The following SRI variants were observed in gnomAD, a reference collection of about 807,000 sequenced individuals.
SRI encodes 22 kDa protein.
In SRI, 30 loss-of-function variants were observed where a neutral mutation model predicts 33.3. That is an observed-to-expected ratio of 0.90 (90% confidence interval 0.67 to 1.22). The LOEUF (loss-of-function observed/expected upper bound fraction) is 1.22. SRI is among the 50% of genes most tolerant of loss of function. The pLI, the probability that SRI is intolerant of heterozygous loss-of-function variation, is 0.00. For synonymous variants in SRI, 75 were observed against 89.9 expected (o/e 0.83, Z 0.94); for missense variants, 243 against 250.8 (o/e 0.97, Z 0.21).
chr7:88,219,988 G>C lies in SRI; in HGVS notation c.39C>G (p.Tyr13Ter), dbSNP rs950420787. The C allele has an allele frequency of 5.8e-6, 9 of 1,538,598 alleles. No homozygotes were observed. The highest frequency in any genetic ancestry group is 7.9e-6 in the Non-Finnish European group (9 of 1,146,466). Residue 13 changes from tyrosine to a stop codon, truncating the protein, a stop_gained, in exon 1 of 8, where the codon TAC becomes TAG. Coordinates refer to ENST00000265729, the MANE Select transcript of SRI (RefSeq NM_003130.4). LOFTEE classifies it high-confidence loss of function. ...AGTCAGCACTTACCCCGCCTGGGTA[G>C]TACCCGCCGCCGGCGCCAGGATGCC... is the stretch of plus-strand genomic sequence containing the variant. ...YPGHPGAGGG[Y>*]YPGGYGGAPG...
upstream of SRI, among the ~76,000 whole-genome samples, chr7:88,221,446 T>G (rs1851885983): frequency 6.6e-6 from 1 of 152,230 alleles, no homozygotes; most frequent in Non-Finnish European, 1.5e-5. Context: ...AGACATCTAA[T>G]GAGTCCCCTG....
chr7:88,222,694 C>T (rs957707327), upstream of SRI, among the ~76,000 whole-genome samples: 2 of 152,004 alleles, frequency 1.3e-5, no homozygotes, highest in Admixed American at 6.6e-5. Flanking sequence ...GAAATAACGC[C>T]GCATACCTAC....
At position 88,209,334 on chromosome 7, in the gene SRI, C is replaced by T. The variant is rs1586711982; in HGVS notation, c.511+5G>A. The T allele has an allele frequency of 1.2e-6, 2 of 1,611,384 alleles. No individual in the cohort carries two copies. The highest frequency in any genetic ancestry group is 1.7e-6 in the Non-Finnish European group (2 of 1,177,700). ...GTGGTGATGACACGACCTTATAGAA[C>T]TCACCTGTAAGAGCCCTCAGTTTGA... On this transcript the variant is annotated splice_donor_5th_base_variant and intron_variant, in intron 6 of 7. Transcript: ENST00000265729.
intron 3 of SRI, 84 bp from the exon 4 acceptor site, chr7:88,211,009 TATG>T (rs1283226568): frequency 7.6e-6 from 8 of 1,048,160 alleles, no homozygotes; most frequent in Middle Eastern, 2.4e-4. Flanking sequence ...TAATTAGAAA[TATG>T]ATTATTATAC....
At chr7:88,217,599 G>C (rs1384114662) in intron 2 of SRI, among the ~76,000 whole-genome samples, 2 of 152,218 alleles carry the variant, frequency 1.3e-5, no homozygotes, top group Middle Eastern at 3.4e-3. Flanking sequence ...ATTTTTTTCA[G>C]AGCACAAATA....
chr7:88,221,697 T>C (rs993957421), upstream of SRI, among the ~76,000 whole-genome samples: 3 of 152,232 alleles, frequency 2.0e-5, no homozygotes, highest in Non-Finnish European at 4.4e-5. Context: ...GAATTTTTTT[T>C]TTAATTACAC....
chr7:88,219,375 A>AT, intron 1 of SRI: 1 of 223,030 alleles, frequency 4.5e-6, no homozygotes, highest in Non-Finnish European at 9.1e-6. Context: ...GGGAAGAGTA[A>AT]GGTGTCCGGC....
chr7:88,207,178 T>C (rs1295069334), intron 7 of SRI, among the ~76,000 whole-genome samples: 1 of 152,168 alleles, frequency 6.6e-6, no homozygotes, highest in Non-Finnish European at 1.5e-5. Context: ...TTATCCCTAT[T>C]TTAGAGAAAA....
chr7:88,211,368 T>C (rs758631459), intron 3 of SRI, among the ~76,000 whole-genome samples: 1 of 152,100 alleles, frequency 6.6e-6, no homozygotes, highest in Non-Finnish European at 1.5e-5. Context: ...GGCAGGAGAA[T>C]TGCTTGCACC....
At chr7:88,210,806 A>G in intron 4 of SRI, 76 bp downstream of exon 4, 1 of 1,339,986 alleles carries the variant, frequency 7.5e-7, no homozygotes, top group Non-Finnish European at 1.1e-6. Flanking sequence ...TGTGTTTACT[A>G]GATATTAATT....
At chr7:88,218,760 C>G (rs1331828327) in intron 2 of SRI, 99 bp downstream of exon 2, 2 of 1,119,576 alleles carry the variant, frequency 1.8e-6, no homozygotes, top group Non-Finnish European at 2.7e-6. Flanking sequence ...AGCAAAGGGA[C>G]TCAGTACCAC....
intron 5 of SRI, among the ~76,000 whole-genome samples, chr7:88,209,697 C>A (rs1851524463): frequency 6.6e-6 from 1 of 151,124 alleles, no homozygotes; most frequent in Non-Finnish European, 1.5e-5. Flanking sequence ...TCACAGCAAC[C>A]TCTGCCTCCT....
chr7:88,210,104 G>T lies in SRI; in HGVS notation c.276C>A (p.Phe92Leu). 1 of 1,614,062 alleles carries T rather than the reference G, an allele frequency of 6.2e-7. No homozygotes were observed. Residue 92 changes from phenylalanine to leucine, a missense_variant, in exon 5 of 8, where the codon TTC (phenylalanine) becomes TTA (leucine). Physicochemically the swap from Phe to Leu is conservative, Grantham distance 22. Transcript: ENST00000265729. Reference protein sequence around the residue: ...LDRDMSGTMGFNEFKELWAVL... With the variant: ...LDRDMSGTMGLNEFKELWAVL... Reference sequence around the variant, plus strand: ...CAGCCCAGAGTTCTTTAAATTCATTGAAACCCATTGTGCCAGACATATCTC... The same window carrying T: ...CAGCCCAGAGTTCTTTAAATTCATTTAAACCCATTGTGCCAGACATATCTC...
In SRI at chr7:88,209,361, G is replaced by C. The variant is rs758620496; in HGVS notation, c.489C>G (p.Cys163Trp). 6.2e-7 allele frequency: 1 copy of C among 1,613,872 alleles called. No individual in the cohort carries two copies. The highest frequency in any genetic ancestry group is 1.7e-5 in the Admixed American group (1 of 60,012). Reference protein sequence around the residue: ...KITFDDYIACCVKLRALTDSF... With the variant: ...KITFDDYIACWVKLRALTDSF... ...CACCTGTAAGAGCCCTCAGTTTGAC[G>C]CAGCAGGCGATGTAGTCGTCGAAGG... The change falls in exon 6 of 8, where the codon TGC (cysteine) becomes TGG (tryptophan). Residue 163 changes from cysteine (C) to tryptophan (W), a missense_variant. Coordinates refer to ENST00000265729, the MANE Select transcript of SRI (RefSeq NM_003130.4).
upstream of SRI, among the ~76,000 whole-genome samples, chr7:88,222,809 A>G (rs1014108305): frequency 2.6e-5 from 4 of 152,166 alleles, no homozygotes; most frequent in African/African-American, 4.8e-5. Context: ...GTAGGAAGCT[A>G]AAACTGGATC....
chr7:88,210,804 C>T (rs1851557785), intron 4 of SRI, 78 bp downstream of exon 4: 1 of 1,332,890 alleles, frequency 7.5e-7, no homozygotes, highest in African/African-American at 1.5e-5. Flanking sequence ...TTTGTGTTTA[C>T]TAGATATTAA....
intron 6 of SRI, 71 bp downstream of exon 6, chr7:88,209,268 G>T: frequency 7.9e-7 from 1 of 1,265,236 alleles, no homozygotes; most frequent in Non-Finnish European, 1.1e-6. Context: ...AAGTTGAGAA[G>T]CACTGAGAGA....
rs1353184307 is a variant in SRI, at chr7:88,205,873, T to G, written c.*605A>C. 1 of 152,852 alleles carries G rather than the reference T, an allele frequency of 6.5e-6. No homozygotes were observed. The highest frequency in any genetic ancestry group is 1.5e-5 in the Non-Finnish European group (1 of 68,192). The allele number at this position is 152,852 out of a possible 1,614,324, so 9.5% of individuals were successfully genotyped here. A position where few individuals can be genotyped will look rare whatever the true frequency, so the allele number is the denominator to read the frequency against. On this transcript the variant is annotated 3_prime_UTR_variant, in exon 8 of 8. Coordinates refer to ENST00000265729, the MANE Select transcript of SRI (RefSeq NM_003130.4). The stretch of plus-strand genomic sequence containing the variant: ...CAATTTTCTTTTTATATAGTTAAGC[T>G]TATAATGTACAAGATTTTTAAGGAG...
In SRI at chr7:88,214,837, C is replaced by T. The variant is rs1455749682; in HGVS notation, c.205+2285G>A. 12 of 1,247,386 alleles carry T rather than the reference C, an allele frequency of 9.6e-6. No homozygotes were observed. The South Asian group carries it at 1.3e-4, about 14-fold the overall frequency. The allele number at this position is 1,247,386 out of a possible 1,614,324, so 77.3% of individuals were successfully genotyped here. ...TCTTCTGTTCATTCTACTAGAATGC[C>T]TCAAACATCTTTTCTTCTCACAGAA... On this transcript the variant is annotated intron_variant, in intron 3 of 7. Transcript: ENST00000265729.
Sources: allele counts gnomAD v4.1 joint callset (sites outside exome capture counted in the v4.1 genomes callset), GRCh38; gene constraint gnomAD v4.1.1; transcripts MANE v1.5; gene names NCBI Gene and HGNC (gene_info 2026-07-23, HGNC 2026-07-21).